CDH18: variants seen among roughly 807,000 people sequenced by gnomAD.
The protein encoded by CDH18 is cadherin-18.
CDH18 carries 31 observed loss-of-function variants against 67.9 expected under a neutral mutation model. The observed-to-expected ratio is 0.46, with a 90% CI of 0.34 to 0.62. The LOEUF (loss-of-function observed/expected upper bound fraction) is 0.62, where lower values mean the gene tolerates loss of function less well. CDH18 is among the 20% of genes least tolerant of loss of function. The pLI is 0.01. For missense variants in CDH18, 890 were observed against 975.5 expected, an observed-to-expected ratio of 0.91 and a Z score of 1.17; for synonymous variants, 362 against 347.2, an observed-to-expected ratio of 1.04 and a Z score of -0.48.
intron 2 of CDH18, among the ~76,000 whole-genome samples, chr5:20,075,254 C>T (rs1296385087): frequency 6.6e-6 from 1 of 152,064 alleles, no homozygotes; most frequent in Non-Finnish European, 1.5e-5. Context: ...CCTGTAATCC[C>T]AGCACTCTGG....
chr5:19,804,983 C>T (rs1777883875), intron 3 of CDH18, among the ~76,000 whole-genome samples: 1 of 150,966 alleles, frequency 6.6e-6, no homozygotes, highest in African/African-American at 2.4e-5. Flanking sequence ...GTGGCTCTGT[C>T]ACCCAGGCTG....
intron 4 of CDH18, among the ~76,000 whole-genome samples, chr5:19,726,034 G>A (rs1006015406): frequency 6.6e-5 from 10 of 152,196 alleles, no homozygotes; most frequent in Admixed American, 6.5e-4. Flanking sequence ...AGCACAAACA[G>A]TGCAAGATCA....
At chr5:19,821,945 A>C (rs1252569108) in intron 3 of CDH18, among the ~76,000 whole-genome samples, 3 of 152,184 alleles carry the variant, frequency 2.0e-5, no homozygotes, top group Non-Finnish European at 4.4e-5. Flanking sequence ...CCAGCCTTAC[A>C]AGAAATCCTG....
chr5:20,382,407 A>G (rs1743981631), intron 1 of CDH18, among the ~76,000 whole-genome samples: 1 of 152,146 alleles, frequency 6.6e-6, no homozygotes, highest in Non-Finnish European at 1.5e-5. Context: ...TTTTAACTGC[A>G]GAAGAGTGGT....
At chr5:20,461,880 A>C (rs1751288290) in intron 1 of CDH18, among the ~76,000 whole-genome samples, 1 of 152,244 alleles carries the variant, frequency 6.6e-6, no homozygotes, top group Admixed American at 6.5e-5. Context: ...AGTAGGTACA[A>C]TAGTATCAAA....
intron 1 of CDH18, among the ~76,000 whole-genome samples, chr5:20,322,111 T>C (rs1215577866): frequency 6.6e-6 from 1 of 151,750 alleles, no homozygotes; most frequent in Non-Finnish European, 1.5e-5. Context: ...AGGAACAGAG[T>C]GCATGGTTGG....
intron 12 of CDH18, among the ~76,000 whole-genome samples, chr5:19,476,244 A>T (rs1738441761): frequency 6.6e-6 from 1 of 152,072 alleles, no homozygotes; most frequent in African/African-American, 2.4e-5. Flanking sequence ...GTAATGAGAA[A>T]ATTCAATGAG....
intron 2 of CDH18, among the ~76,000 whole-genome samples, chr5:19,954,018 A>G (rs1796036234): frequency 6.6e-6 from 1 of 152,078 alleles, no homozygotes; most frequent in African/African-American, 2.4e-5. Flanking sequence ...GATTATTTTT[A>G]GGAGACAGTA....
At chr5:19,775,906 T>C (rs1774307613) in intron 3 of CDH18, among the ~76,000 whole-genome samples, 1 of 152,084 alleles carries the variant, frequency 6.6e-6, no homozygotes, top group African/African-American at 2.4e-5. Flanking sequence ...TTTTGGAGCA[T>C]GGGCAGGAAT....
chr5:19,751,698 T>C (rs1770865084), intron 3 of CDH18, among the ~76,000 whole-genome samples: 1 of 152,238 alleles, frequency 6.6e-6, no homozygotes, highest in Non-Finnish European at 1.5e-5. Context: ...ACTGATAATA[T>C]ATTAGTCTCT....
At chr5:19,890,597 A>AT (rs147714365) in intron 2 of CDH18, among the ~76,000 whole-genome samples, 72,342 of 132,638 alleles carry the variant, frequency 0.55, 17,883 homozygotes, top group Middle Eastern at 0.66. Flanking sequence ...CCAGAACACC[A>AT]TTTTTTTTTT....
chr5:20,017,493 A>G (rs1038050543), intron 2 of CDH18, among the ~76,000 whole-genome samples: 3 of 152,210 alleles, frequency 2.0e-5, no homozygotes, highest in African/African-American at 7.2e-5. Context: ...CAAATAAAAA[A>G]GTTATAAAAG....
chr5:19,552,034 T>G (rs1296806855), intron 8 of CDH18, among the ~76,000 whole-genome samples: 1 of 152,140 alleles, frequency 6.6e-6, no homozygotes, highest in African/African-American at 2.4e-5. Context: ...ATGCAACTGA[T>G]AGTAGTCTTT....
At chr5:19,662,450 C>T (rs1369060600) in intron 5 of CDH18, among the ~76,000 whole-genome samples, 1 of 152,022 alleles carries the variant, frequency 6.6e-6, no homozygotes, top group Non-Finnish European at 1.5e-5. Flanking sequence ...AAAATTCTTG[C>T]TGTGACTTTA....
intron 1 of CDH18, among the ~76,000 whole-genome samples, chr5:20,278,208 T>C (rs1379030310): frequency 6.6e-6 from 1 of 151,990 alleles, no homozygotes; most frequent in East Asian, 1.9e-4. Context: ...TGTCAAGATA[T>C]TTAGTAATCA....
At chr5:19,842,290 G>T (rs1037679093) in intron 2 of CDH18, among the ~76,000 whole-genome samples, 17 of 152,092 alleles carry the variant, frequency 1.1e-4, no homozygotes, top group Admixed American at 7.9e-4. Flanking sequence ...ATCTTGATTT[G>T]TAATCTGAAT....
At chr5:20,168,777 G>A (rs1454570923) in intron 2 of CDH18, among the ~76,000 whole-genome samples, 1 of 152,022 alleles carries the variant, frequency 6.6e-6, no homozygotes, top group Non-Finnish European at 1.5e-5. Flanking sequence ...AAGAAAATGT[G>A]GTACACAAAC....
intron 2 of CDH18, among the ~76,000 whole-genome samples, chr5:20,216,069 C>G (rs982154525): frequency 6.6e-6 from 1 of 151,702 alleles, no homozygotes; most frequent in Non-Finnish European, 1.5e-5. Context: ...TATAATAAAC[C>G]CCCATGACAC....
rs138357164 is a variant in CDH18, at chr5:20,480,322, C to G, written c.-580+95140G>C. ...AAGATGAATTAATCAAAAATAATGA[C>G]TACAACAACTTTTCAAGACATAGAC... On this transcript the variant is annotated intron_variant, in intron 1 of 14. Transcript: ENST00000507958. 6.5e-3 allele frequency among the ~76,000 whole-genome samples: 987 copies of G among 152,188 alleles called. 2 individuals are homozygous for G. The highest frequency in any genetic ancestry group is 0.024 in the Middle Eastern group (7 of 294).
Sources: allele counts gnomAD v4.1 joint callset (sites outside exome capture counted in the v4.1 genomes callset), GRCh38; gene constraint gnomAD v4.1.1; transcripts MANE v1.5; gene names NCBI Gene and HGNC (gene_info 2026-07-23, HGNC 2026-07-21).